Variants in TAFA2 observed in about 807,000 individuals in gnomAD.
The protein encoded by TAFA2 is TAFA chemokine like family member 2, also known as chemokine-like protein TAFA-2.
A neutral mutation model predicts 18.8 loss-of-function variants in TAFA2; 7 were observed. That is an observed-to-expected ratio of 0.37 (90% CI 0.21 to 0.70). The LOEUF is 0.70. TAFA2 is among the 30% of genes least tolerant of loss of function. TAFA2 has a pLI of 0.53. For missense variants in TAFA2, 122 were observed against 158.1 expected (o/e 0.77, Z 1.23); for synonymous variants, 60 against 54.2 (o/e 1.11, Z -0.47).
At chr12:62,227,361 A>G (rs899139268) in intron 1 of TAFA2, among the ~76,000 whole-genome samples, 1 of 152,250 alleles carries the variant, frequency 6.6e-6, no homozygotes, top group African/African-American at 2.4e-5. Context: ...ATATGCATAC[A>G]CTAAAGTGTC....
intron 1 of TAFA2, among the ~76,000 whole-genome samples, chr12:62,116,140 G>A (rs907554573): frequency 6.6e-6 from 1 of 152,146 alleles, no homozygotes; most frequent in Non-Finnish European, 1.5e-5. Flanking sequence ...CTTCAAATAC[G>A]TACAGTGTGG....
intron 1 of TAFA2, among the ~76,000 whole-genome samples, chr12:61,910,440 G>T (rs1342951645): frequency 2.6e-5 from 4 of 152,138 alleles, no homozygotes; most frequent in Non-Finnish European, 5.9e-5. Flanking sequence ...AACAGAAGAA[G>T]CTGGGTGACT....
At chr12:62,122,221 A>C (rs1471456909) in intron 1 of TAFA2, among the ~76,000 whole-genome samples, 1 of 152,184 alleles carries the variant, frequency 6.6e-6, no homozygotes, top group Non-Finnish European at 1.5e-5. Flanking sequence ...TGAACTTATA[A>C]GTTTTTTTAA....
chr12:62,106,191 G>A (rs939800557), intron 1 of TAFA2, among the ~76,000 whole-genome samples: 1 of 151,702 alleles, frequency 6.6e-6, no homozygotes, highest in Non-Finnish European at 1.5e-5. Flanking sequence ...AAAAATAGCC[G>A]GGTGTGGTGG....
chr12:62,200,630 G>C (rs888959156), intron 1 of TAFA2, among the ~76,000 whole-genome samples: 1 of 152,134 alleles, frequency 6.6e-6, no homozygotes, highest in Non-Finnish European at 1.5e-5. Flanking sequence ...TTTTGTATCA[G>C]TACCATGCTG....
intron 1 of TAFA2, among the ~76,000 whole-genome samples, chr12:61,902,114 C>A (rs933685615): frequency 8.8e-6 from 1 of 113,344 alleles, no homozygotes; most frequent in Admixed American, 8.3e-5. Flanking sequence ...AAAAAAAAAA[C>A]CTGTATCTTT....
chr12:62,133,038 GGCC>G, intron 1 of TAFA2, among the ~76,000 whole-genome samples: 1 of 152,030 alleles, frequency 6.6e-6, no homozygotes, highest in Non-Finnish European at 1.5e-5. Flanking sequence ...TTGTGGTACA[GGCC>G]CATCCTGTAC....
intron 1 of TAFA2, among the ~76,000 whole-genome samples, chr12:62,037,743 T>G (rs1881648072): frequency 6.6e-6 from 1 of 152,190 alleles, no homozygotes; most frequent in Admixed American, 6.5e-5. Context: ...ACCAGAGCAA[T>G]AATTAGTAAT....
intron 1 of TAFA2, among the ~76,000 whole-genome samples, chr12:62,175,001 C>T (rs2062502644): frequency 6.6e-6 from 1 of 152,120 alleles, no homozygotes; most frequent in South Asian, 2.1e-4. Context: ...GTGCCTGAAA[C>T]CTATTAGATG....
chr12:61,920,140 A>T (rs1003882761), intron 1 of TAFA2, among the ~76,000 whole-genome samples: 3 of 152,212 alleles, frequency 2.0e-5, no homozygotes, highest in Non-Finnish European at 2.9e-5. Flanking sequence ...ACTAACTTAG[A>T]TGGTAAATGA....
At chr12:61,775,060 G>T (rs190923527) in intron 2 of TAFA2, among the ~76,000 whole-genome samples, 3 of 151,868 alleles carry the variant, frequency 2.0e-5, no homozygotes, top group Non-Finnish European at 2.9e-5. Flanking sequence ...AAATAAGCCT[G>T]TGAAAAGATG....
intron 1 of TAFA2, among the ~76,000 whole-genome samples, chr12:61,946,398 C>T (rs1288188282): frequency 8.0e-6 from 1 of 124,614 alleles, no homozygotes; most frequent in Non-Finnish European, 1.7e-5. Context: ...TAGGCGTGGG[C>T]AAGGACTTCA....
intron 1 of TAFA2, chr12:62,235,381 C>T (rs764860769): frequency 3.6e-5 from 23 of 643,050 alleles, no homozygotes; most frequent in Non-Finnish European, 5.4e-5. Flanking sequence ...GTGTGCACTC[C>T]GGAGCTTCCA....
At position 61,979,750 on chromosome 12, in the gene TAFA2, T is replaced by TAGAAGCAC. The variant is rs1879564056; in HGVS notation, c.-1-112332_-1-112325dup. On this transcript the variant is annotated intron_variant, in intron 1 of 4. Transcript: ENST00000416284. ...GAGAAACAACACTGCTGCCAAAAAG[T>TAGAAGCAC]AGAAGCACGGCACCACCCCCTCCCC... is the stretch of plus-strand genomic sequence containing the variant. Among the ~76,000 whole-genome samples the TAGAAGCAC allele has an allele frequency of 2.0e-5, 3 of 152,020 alleles. No homozygotes were observed. The East Asian group carries it at 5.8e-4, about 30-fold the overall frequency.
At chr12:61,797,716 A>T (rs868406500) in intron 2 of TAFA2, among the ~76,000 whole-genome samples, 6 of 152,152 alleles carry the variant, frequency 3.9e-5, no homozygotes, top group Admixed American at 1.3e-4. Context: ...TGTTGATCTC[A>T]TCTTCCACAA....
intron 1 of TAFA2, among the ~76,000 whole-genome samples, chr12:62,009,688 T>G (rs1405755436): frequency 1.3e-5 from 2 of 152,202 alleles, no homozygotes; most frequent in African/African-American, 4.8e-5. Context: ...CATTTATTAC[T>G]CACAGAAAGT....
chr12:62,023,354 C>T (rs182017695), intron 1 of TAFA2, among the ~76,000 whole-genome samples: 7 of 152,188 alleles, frequency 4.6e-5, no homozygotes, highest in Admixed American at 6.5e-5. Flanking sequence ...ATTTTTTATA[C>T]ATCTAAATAT....
intron 4 of TAFA2, among the ~76,000 whole-genome samples, chr12:61,737,370 A>G (rs1221417465): frequency 6.6e-6 from 1 of 151,956 alleles, no homozygotes; most frequent in Non-Finnish European, 1.5e-5. Flanking sequence ...TACCATGAAT[A>G]ATTAAAATTT....
intron 2 of TAFA2, among the ~76,000 whole-genome samples, chr12:61,760,726 A>G (rs1869505505): frequency 6.6e-6 from 1 of 151,920 alleles, no homozygotes; most frequent in Non-Finnish European, 1.5e-5. Flanking sequence ...AAACTAACCT[A>G]ATTGAATATT....
Sources: allele counts gnomAD v4.1 joint callset (sites outside exome capture counted in the v4.1 genomes callset), GRCh38; gene constraint gnomAD v4.1.1; transcripts MANE v1.5; gene names NCBI Gene and HGNC (gene_info 2026-07-23, HGNC 2026-07-21).